Variants in DLC1 observed in about 807,000 individuals in gnomAD.
The protein encoded by DLC1 is DLC1 Rho GTPase activating protein.
In DLC1, 54 loss-of-function variants were observed where a neutral mutation model predicts 140.3. The ratio of observed to expected loss-of-function variants is 0.38; its 90% confidence interval spans 0.31 to 0.48. DLC1 has a LOEUF of 0.48. Among genes scored for constraint, DLC1 ranks in the 20% least tolerant of loss-of-function variants. The pLI is 0.96. For synonymous variants in DLC1, 986 were observed against 728.1 expected (o/e 1.35, Z -5.70); for missense variants, 2,536 against 1,907.0 (o/e 1.33, Z -6.14).
Position 13,578,830 on chromosome 8 carries a change from G to A in DLC1, c.-126+25707C>T, listed in dbSNP as rs964401849. 2.6e-5 allele frequency among the ~76,000 whole-genome samples: 4 copies of A among 151,980 alleles called. No individual in the cohort carries two copies. In the East Asian group the frequency reaches 7.8e-4, roughly 30 times the overall value. On this transcript the variant is annotated intron_variant, in intron 1 of 1. Coordinates refer to the DLC1 transcript ENST00000631382. Reference sequence around the variant, plus strand: ...ACAACCCAGAAGCCCTCCAAACCCTGTCCTTTAGGTTTTCTGTGGAGACTT... The same window carrying A: ...ACAACCCAGAAGCCCTCCAAACCCTATCCTTTAGGTTTTCTGTGGAGACTT...
chr8:13,346,169 G>C (rs944716068), intron 4 of DLC1, among the ~76,000 whole-genome samples: 1 of 152,180 alleles, frequency 6.6e-6, no homozygotes, highest in Admixed American at 6.5e-5. Context: ...GGATTAGATA[G>C]CCTTAACCTT....
At chr8:13,532,686 G>T (rs1189659834) in intron 1 of DLC1, among the ~76,000 whole-genome samples, 2 of 152,036 alleles carry the variant, frequency 1.3e-5, no homozygotes, top group African/African-American at 4.8e-5. Context: ...GAACTCTTGG[G>T]CTCAAGTAAC....
intron 4 of DLC1, among the ~76,000 whole-genome samples, chr8:13,314,556 A>C (rs1832793242): frequency 6.6e-6 from 1 of 152,102 alleles, no homozygotes; most frequent in Admixed American, 6.6e-5. Flanking sequence ...TACCAATTAT[A>C]TTCAAATATA....
At chr8:13,097,841 T>C (rs572003296) in intron 10 of DLC1, among the ~76,000 whole-genome samples, 27 of 152,070 alleles carry the variant, frequency 1.8e-4, no homozygotes, top group African/African-American at 6.5e-4. Flanking sequence ...CCCACGCTGA[T>C]AATTTCCTAA....
intron 2 of DLC1, among the ~76,000 whole-genome samples, chr8:13,461,835 T>G (rs1799675019): frequency 6.6e-6 from 1 of 152,162 alleles, no homozygotes; most frequent in East Asian, 1.9e-4. Flanking sequence ...CCGTACTATC[T>G]TCCTCATTGA....
chr8:13,583,377 T>A (rs931654360), intron 1 of DLC1, among the ~76,000 whole-genome samples: 2 of 152,180 alleles, frequency 1.3e-5, no homozygotes, highest in Non-Finnish European at 2.9e-5. Flanking sequence ...CTTTCTTTGC[T>A]CATCCATAAG....
chr8:13,161,465 G>A (rs973219695), intron 5 of DLC1, among the ~76,000 whole-genome samples: 7 of 151,898 alleles, frequency 4.6e-5, no homozygotes, highest in African/African-American at 9.7e-5. Flanking sequence ...TCAGCCTCCC[G>A]GAGTAGCTGG....
At chr8:13,572,095 A>ATTT (rs3066468) in intron 1 of DLC1, among the ~76,000 whole-genome samples, 10,142 of 142,870 alleles carry the variant, frequency 0.071, 597 homozygotes, top group Admixed American at 0.17. Context: ...ATTATTATTT[A>ATTT]TTTTTTTTTT....
intron 1 of DLC1, among the ~76,000 whole-genome samples, chr8:13,512,404 C>T (rs750592765): frequency 5.3e-5 from 8 of 152,108 alleles, no homozygotes; most frequent in African/African-American, 9.7e-5. Context: ...AAATAGCCCA[C>T]GCTCCCATTT....
intron 1 of DLC1, among the ~76,000 whole-genome samples, chr8:13,563,468 A>T (rs981073211): frequency 8.5e-5 from 13 of 152,194 alleles, no homozygotes; most frequent in Non-Finnish European, 1.5e-4. Flanking sequence ...ATCATGAGTG[A>T]TGTAAGATTC....
chr8:13,327,302 G>A (rs1440190992), intron 4 of DLC1, among the ~76,000 whole-genome samples: 2 of 151,822 alleles, frequency 1.3e-5, no homozygotes, highest in African/African-American at 4.8e-5. Context: ...GTGTGGAGTA[G>A]GCATCAAAGA....
intron 2 of DLC1, among the ~76,000 whole-genome samples, chr8:13,444,296 G>T (rs1306816381): frequency 6.6e-6 from 1 of 152,148 alleles, no homozygotes; most frequent in Admixed American, 6.5e-5. Flanking sequence ...ACTGGGGCCT[G>T]ACCGGTGGTG....
chr8:13,534,173 C>G (rs1174049745), intron 1 of DLC1, among the ~76,000 whole-genome samples: 1 of 152,144 alleles, frequency 6.6e-6, no homozygotes, highest in Non-Finnish European at 1.5e-5. Flanking sequence ...TTTATGCCAG[C>G]AATTTCCAGA....
At chr8:13,484,759 G>A (rs778510196) in intron 2 of DLC1, among the ~76,000 whole-genome samples, 1 of 151,876 alleles carries the variant, frequency 6.6e-6, no homozygotes, top group Non-Finnish European at 1.5e-5. Context: ...ATGTCACTTT[G>A]AACATAAACA....
At chr8:13,490,178 C>A (rs1272686600) in intron 2 of DLC1, among the ~76,000 whole-genome samples, 3 of 152,106 alleles carry the variant, frequency 2.0e-5, no homozygotes, top group African/African-American at 7.2e-5. Context: ...TTTCAAAAAT[C>A]TCTGGGTTAA....
At chr8:13,349,917 T>C (rs189746588) in intron 4 of DLC1, among the ~76,000 whole-genome samples, 4 of 152,326 alleles carry the variant, frequency 2.6e-5, no homozygotes, top group East Asian at 1.9e-4. Context: ...TCCAGCTGCA[T>C]ATGGACTCTC....
chr8:13,541,707 G>A (rs1285893045), intron 1 of DLC1, among the ~76,000 whole-genome samples: 2 of 152,028 alleles, frequency 1.3e-5, no homozygotes, highest in Non-Finnish European at 2.9e-5. Context: ...CTGCCACCAA[G>A]CCTGGCTAAT....
rs149814064 is a variant in DLC1, at chr8:13,117,888, T to C, written c.1349-2231A>G. Among the ~76,000 whole-genome samples, 239 of 152,350 alleles carry C rather than the reference T, an allele frequency of 1.6e-3. 2 individuals carry two copies. Among genetic ancestry groups the C allele is most frequent in the African/African-American group, 5.3e-3 (219 of 41,582 alleles). On this transcript the variant is annotated intron_variant, in intron 5 of 17. Coordinates refer to ENST00000276297, the MANE Select transcript of DLC1 (RefSeq NM_182643.3). ...AAGAGGCATGGAAGATGTAAGATAC[T>C]AGTTTTTTAAGCAATCTTTATATTT...
At chr8:13,162,764 AC>A (rs1824808033) in intron 5 of DLC1, among the ~76,000 whole-genome samples, 1 of 151,886 alleles carries the variant, frequency 6.6e-6, no homozygotes, top group African/African-American at 2.4e-5. Flanking sequence ...GCACAGTGAG[AC>A]CCCGTCTTTA....
Sources: allele counts gnomAD v4.1 joint callset (sites outside exome capture counted in the v4.1 genomes callset), GRCh38; gene constraint gnomAD v4.1.1; transcripts MANE v1.5; gene names NCBI Gene and HGNC (gene_info 2026-07-23, HGNC 2026-07-21).